SLC25A24: variants seen among roughly 807,000 people sequenced by gnomAD.
SLC25A24 encodes the protein solute carrier family 25 member 24, also known as mitochondrial adenyl nucleotide antiporter SLC25A24.
In SLC25A24, 49 loss-of-function variants were observed where a neutral mutation model predicts 60.7. The ratio of observed to expected loss-of-function variants is 0.81; its 90% CI spans 0.64 to 1.02. The LOEUF (loss-of-function observed/expected upper bound fraction) is 1.02. Ranked by LOEUF, SLC25A24 falls within the 50% of genes least tolerant of loss-of-function variation. The probability of loss-of-function intolerance (pLI) is 0.00; values close to 1 mark genes in which losing one functional copy is unlikely to be tolerated. For synonymous variants in SLC25A24, 202 were observed against 200.6 expected (o/e 1.01, Z -0.06); for missense variants, 564 against 586.3 (o/e 0.96, Z 0.39).
At chr1:108,140,196 TG>T (rs556653224) in intron 8 of SLC25A24, among the ~76,000 whole-genome samples, 65 of 152,196 alleles carry the variant, frequency 4.3e-4, no homozygotes, top group African/African-American at 1.5e-3. Flanking sequence ...AAAAATCCAT[TG>T]AGTGCATTTC....
chr1:108,157,788 T>C (rs1679945001), intron 4 of SLC25A24, among the ~76,000 whole-genome samples, 168 bp from the exon 5 acceptor site: 1 of 152,210 alleles, frequency 6.6e-6, no homozygotes, highest in South Asian at 2.1e-4. Flanking sequence ...CTACTCACAA[T>C]GAACAAAGTA....
At chr1:108,154,919 A>T (rs1368706265) in intron 6 of SLC25A24, 64 bp downstream of exon 6, 4 of 1,243,238 alleles carry the variant, frequency 3.2e-6, no homozygotes, top group Non-Finnish European at 4.6e-6. Flanking sequence ...TTATACATTA[A>T]CATTTATTGA....
At chr1:108,146,567 C>G (rs1408368517) in intron 7 of SLC25A24, among the ~76,000 whole-genome samples, 2 of 152,100 alleles carry the variant, frequency 1.3e-5, no homozygotes, top group African/African-American at 4.8e-5. Flanking sequence ...ATAAACAGCT[C>G]TTATTATTTT....
At chr1:108,142,735 T>C (rs1358787048) in intron 8 of SLC25A24, among the ~76,000 whole-genome samples, 2 of 152,196 alleles carry the variant, frequency 1.3e-5, no homozygotes, top group Non-Finnish European at 1.5e-5. Flanking sequence ...TGCCACTGAA[T>C]TGTACACTTA....
At chr1:108,174,894 G>A (rs59972535) in intron 3 of SLC25A24, among the ~76,000 whole-genome samples, 3,787 of 152,198 alleles carry the variant, frequency 0.025, 160 homozygotes, top group African/African-American at 0.086. Flanking sequence ...CTCCCATTTG[G>A]AACAAGTATA....
intron 6 of SLC25A24, among the ~76,000 whole-genome samples, chr1:108,152,770 T>C (rs1679789972): frequency 1.3e-5 from 2 of 152,208 alleles, no homozygotes; most frequent in Admixed American, 6.5e-5. Flanking sequence ...AGAATACAAG[T>C]AGCTACTGCC....
intron 3 of SLC25A24, among the ~76,000 whole-genome samples, chr1:108,176,403 G>A (rs914757219): frequency 6.6e-6 from 1 of 152,116 alleles, no homozygotes; most frequent in Non-Finnish European, 1.5e-5. Flanking sequence ...AAAGTTTTGA[G>A]TCACAGGAGT....
intron 1 of SLC25A24, 72 bp from the exon 2 acceptor site, chr1:108,186,026 C>T: frequency 8.2e-7 from 1 of 1,213,312 alleles, no homozygotes; most frequent in Non-Finnish European, 1.1e-6. Context: ...ACACATATTT[C>T]AAGCAGATTA....
At chr1:108,190,734 C>T (rs1268623203) in intron 1 of SLC25A24, among the ~76,000 whole-genome samples, 1 of 117,596 alleles carries the variant, frequency 8.5e-6, no homozygotes, top group African/African-American at 3.0e-5. Flanking sequence ...TCTATATAAA[C>T]AAATTTTCCT....
At chr1:108,181,121 T>C (rs1647916981) in intron 3 of SLC25A24, among the ~76,000 whole-genome samples, 1 of 151,782 alleles carries the variant, frequency 6.6e-6, no homozygotes, top group African/African-American at 2.4e-5. Flanking sequence ...CTTGAGACTT[T>C]GAGCCTTCCT....
chr1:108,200,150 C>G lies in SLC25A24; in HGVS notation c.-12G>C. 6.5e-7 allele frequency: 1 copy of G among 1,540,762 alleles called. No individual in the cohort carries two copies. The highest frequency in any genetic ancestry group is 1.2e-5 in the South Asian group (1 of 83,920). On this transcript the variant is annotated 5_prime_UTR_variant, in exon 1 of 10. Transcript: ENST00000565488. Reference sequence around the variant, plus strand: ...AGCCAGCGCAACATGGTCCCAGAGGCGCAGGCGGCCTGGCCGAGGAAGTCA... The same window carrying G: ...AGCCAGCGCAACATGGTCCCAGAGGGGCAGGCGGCCTGGCCGAGGAAGTCA...
chr1:108,161,256 C>T lies in SLC25A24; in HGVS notation c.436G>A (p.Glu146Lys), dbSNP rs368829753. 42 of 1,602,692 alleles carry T rather than the reference C, an allele frequency of 2.6e-5. No individual in the cohort carries two copies. Among genetic ancestry groups the T allele is most frequent in the Non-Finnish European group, 3.6e-5 (42 of 1,170,808 alleles). Residue 146 changes from glutamate (E) to lysine (K), a missense_variant, in exon 4 of 10, where the codon GAA (glutamate) becomes AAA (lysine). Physicochemically the swap from Glu to Lys is moderately conservative, Grantham distance 56 (BLOSUM62 1). Coordinates refer to ENST00000565488, the MANE Select transcript of SLC25A24 (RefSeq NM_013386.5). ...TTAAATAAGAAGTAGTCTCTCCATT[C>T]ATTCCAGTCCACTGTCATTGTCCCA... is the stretch of plus-strand genomic sequence containing the variant. ...VDGTMTVDWN[E>K]WRDYFLFNPV...
chr1:108,200,042 G>A lies in SLC25A24; in HGVS notation c.97C>T (p.Arg33Cys). Residue 33 changes from arginine to cysteine, a missense_variant, in exon 1 of 10, where the codon CGC (arginine) becomes TGC (cysteine). By Grantham distance (180) the Arg-to-Cys change is radical. Transcript: ENST00000565488. ...ATGTCCACCACTCCGTCCCCATTGC[G>A]GTCCAGTGCCTGGAAGAGGGTCTCG... ...RYETLFQALDRNGDGVVDIGE... is the reference protein window; with the variant it reads ...RYETLFQALDCNGDGVVDIGE... 1 of 1,608,430 alleles carries A rather than the reference G, an allele frequency of 6.2e-7. No homozygotes were observed. The highest frequency in any genetic ancestry group is 8.5e-7 in the Non-Finnish European group (1 of 1,177,868).
intron 5 of SLC25A24, among the ~76,000 whole-genome samples, chr1:108,155,944 C>T (rs1310560359): frequency 7.9e-6 from 1 of 126,534 alleles, no homozygotes; most frequent in East Asian, 2.4e-4. Flanking sequence ...GGGGTGACTA[C>T]CACTAAACAC....
Position 108,192,668 on chromosome 1 carries a change from G to T in SLC25A24, c.184-6714C>A, listed in dbSNP as rs112369327. On this transcript the variant is annotated intron_variant, in intron 1 of 9. Transcript: ENST00000565488. ...TCCGCGGCCTGAGTGAGCCCCAGCG[G>T]GGTGGAAGTGCGACCGACGAACGGG... is the stretch of plus-strand genomic sequence containing the variant. 2.2e-5 allele frequency: 33 copies of T among 1,477,050 alleles called. 5 individuals carry two copies. The African/African-American group carries it at 2.9e-4, about 13-fold the overall frequency. The allele number at this position is 1,477,050 out of a possible 1,614,324, so 91.5% of individuals were successfully genotyped here.
intron 1 of SLC25A24, among the ~76,000 whole-genome samples, chr1:108,186,880 C>T (rs1361141694): frequency 6.6e-6 from 1 of 151,970 alleles, no homozygotes; most frequent in Non-Finnish European, 1.5e-5. Context: ...GAGTTCAAGA[C>T]CAACCTGACC....
chr1:108,155,764 T>C (rs1679880229), intron 5 of SLC25A24, among the ~76,000 whole-genome samples: 1 of 152,132 alleles, frequency 6.6e-6, no homozygotes, highest in Admixed American at 6.5e-5. Context: ...TTACAACATG[T>C]ACCCATCCTG....
In SLC25A24 at chr1:108,176,059, A is replaced by G. The variant is rs1252924429; in HGVS notation, c.398+5882T>C. On this transcript the variant is annotated intron_variant, in intron 3 of 9. Transcript: ENST00000565488. ...ACCATCCCTAAAGAAACAGAGATGT[A>G]TGAACTGACATAGAATTCAAAGAAA... Among the ~76,000 whole-genome samples, 4 of 152,220 alleles carry G rather than the reference A, an allele frequency of 2.6e-5. No individual in the cohort carries two copies. In the East Asian group the frequency reaches 7.7e-4, roughly 29 times the overall value.
At chr1:108,178,431 G>A (rs75701729) in intron 3 of SLC25A24, among the ~76,000 whole-genome samples, 2,232 of 152,274 alleles carry the variant, frequency 0.015, 50 homozygotes, top group African/African-American at 0.051. Flanking sequence ...TGCACCAGGG[G>A]ATATCATATG....
Sources: gnomAD v4.1 joint callset for allele counts (sites outside exome capture counted in the v4.1 genomes callset) on GRCh38, gnomAD v4.1.1 for gene constraint, MANE v1.5 for transcripts, NCBI Gene and HGNC (gene_info 2026-07-23, HGNC 2026-07-21) for gene names.